Variants in LRBA observed in about 807,000 individuals in gnomAD.
LRBA encodes LPS responsive beige-like anchor protein.
LRBA carries 176 observed loss-of-function variants against 330.0 expected under a neutral mutation model. That is an observed-to-expected ratio of 0.53 (90% CI 0.47 to 0.60). LRBA has a LOEUF of 0.60. Ranked by LOEUF, LRBA falls within the 20% of genes least tolerant of loss-of-function variation. The pLI is 0.00. For synonymous variants in LRBA, 1,230 were observed against 1,193.0 expected (o/e 1.03, Z -0.64); for missense variants, 3,259 against 3,444.8 (o/e 0.95, Z 1.35).
At chr4:150,576,939 AT>A (rs1561376321) in intron 40 of LRBA, among the ~76,000 whole-genome samples, 1 of 151,566 alleles carries the variant, frequency 6.6e-6, no homozygotes, top group East Asian at 1.9e-4. Flanking sequence ...GTAAAAAAAA[AT>A]TTTTTTTATT....
intron 40 of LRBA, among the ~76,000 whole-genome samples, chr4:150,519,913 G>A (rs193254235): frequency 1.6e-4 from 24 of 152,212 alleles, no homozygotes; most frequent in Admixed American, 9.8e-4. Flanking sequence ...AGTGTCTCCT[G>A]GTGGTTTTTC....
intron 40 of LRBA, among the ~76,000 whole-genome samples, chr4:150,497,891 G>A (rs902646170): frequency 3.9e-5 from 6 of 152,134 alleles, no homozygotes; most frequent in African/African-American, 1.4e-4. Context: ...TTGGGGCTAG[G>A]TGACAATGAA....
intron 36 of LRBA, among the ~76,000 whole-genome samples, chr4:150,708,683 T>A (rs935896167): frequency 1.3e-5 from 2 of 151,806 alleles, no homozygotes; most frequent in African/African-American, 4.8e-5. Context: ...GAAAATTGAA[T>A]TTTTAAAAAA....
intron 52 of LRBA, among the ~76,000 whole-genome samples, chr4:150,306,527 T>A (rs1730380799): frequency 2.0e-5 from 3 of 152,174 alleles, no homozygotes; most frequent in Admixed American, 2.0e-4. Flanking sequence ...CGTTTGAGAT[T>A]TTTTTTATAC....
chr4:150,379,851 T>A (rs1741927464), intron 47 of LRBA, among the ~76,000 whole-genome samples: 1 of 151,896 alleles, frequency 6.6e-6, no homozygotes, highest in African/African-American at 2.4e-5. Flanking sequence ...ATGAACTCCA[T>A]ACATAGGAAA....
At chr4:150,576,902 A>G (rs1485980837) in intron 40 of LRBA, among the ~76,000 whole-genome samples, 1 of 151,954 alleles carries the variant, frequency 6.6e-6, no homozygotes, top group African/African-American at 2.4e-5. Flanking sequence ...AATGAGAACA[A>G]TACCCTTGGG....
At position 150,739,961 on chromosome 4, in the gene LRBA, T is replaced by G. The variant is rs949998546; in HGVS notation, c.5646-4595A>C. Among the ~76,000 whole-genome samples, 11 of 152,334 alleles carry G rather than the reference T, an allele frequency of 7.2e-5. No homozygotes were observed. The East Asian group carries it at 2.1e-3, about 29-fold the overall frequency. Reference sequence around the variant, plus strand: ...AGGAGAGGCCCAGCTAAGCCATGCCTAGGATTCCTGACCAAGAAAAATTGA... The same window carrying G: ...AGGAGAGGCCCAGCTAAGCCATGCCGAGGATTCCTGACCAAGAAAAATTGA... On this transcript the variant is annotated intron_variant, in intron 35 of 56. Transcript: ENST00000651943.
intron 47 of LRBA, among the ~76,000 whole-genome samples, chr4:150,382,719 C>T (rs1010159340): frequency 1.3e-5 from 2 of 151,770 alleles, no homozygotes; most frequent in Non-Finnish European, 2.9e-5. Context: ...CCAATAGTTT[C>T]TAAGGTAGTT....
At chr4:150,747,539 T>C (rs928773495) in intron 35 of LRBA, among the ~76,000 whole-genome samples, 1 of 152,198 alleles carries the variant, frequency 6.6e-6, no homozygotes, top group Admixed American at 6.6e-5. Flanking sequence ...CTGTAAGGAA[T>C]ACAAACATGC....
chr4:151,003,885 CTGTGTGTGTGTGTGTGTGTGTG>C (rs56025404), intron 2 of LRBA, among the ~76,000 whole-genome samples: 12 of 134,198 alleles, frequency 8.9e-5, no homozygotes, highest in South Asian at 5.5e-4. Context: ...TAGCCAACTG[CTGTGTGTGTGTGTGTGTGTGTG>C]TGTGTGTGTG....
chr4:150,615,644 G>T (rs1775701016), intron 37 of LRBA, among the ~76,000 whole-genome samples: 5 of 152,080 alleles, frequency 3.3e-5, no homozygotes, highest in African/African-American at 7.2e-5. Flanking sequence ...TTTTAATAAA[G>T]AAAGTCTAAA....
intron 40 of LRBA, among the ~76,000 whole-genome samples, chr4:150,542,671 A>G (rs913711066): frequency 6.6e-6 from 1 of 152,184 alleles, no homozygotes; most frequent in Non-Finnish European, 1.5e-5. Context: ...ATAAACACAA[A>G]GCAATGAAAA....
intron 36 of LRBA, among the ~76,000 whole-genome samples, chr4:150,698,017 ATC>A (rs1784793295): frequency 6.6e-6 from 1 of 152,174 alleles, no homozygotes; most frequent in Non-Finnish European, 1.5e-5. Flanking sequence ...AACTATTTTT[ATC>A]AACTCAAGTA....
At chr4:150,949,435 G>A (rs953796854) in intron 2 of LRBA, among the ~76,000 whole-genome samples, 34 of 151,958 alleles carry the variant, frequency 2.2e-4, no homozygotes, top group African/African-American at 7.5e-4. Context: ...AGGAAAGTGG[G>A]TATAGCTGTA....
chr4:150,367,578 C>T (rs1449009172), intron 47 of LRBA, among the ~76,000 whole-genome samples: 1 of 152,178 alleles, frequency 6.6e-6, no homozygotes, highest in East Asian at 1.9e-4. Flanking sequence ...GCGTAAGTAG[C>T]ACATGTAACT....
In LRBA at chr4:150,460,976, A is replaced by T. The variant is rs137976909; in HGVS notation, c.6780+6697T>A. Among the ~76,000 whole-genome samples, 1,028 of 151,934 alleles carry T rather than the reference A, an allele frequency of 6.8e-3. 47 individuals carry two copies. Among genetic ancestry groups the T allele is most frequent in the Admixed American group, 0.059 (900 of 15,204 alleles). On this transcript the variant is annotated intron_variant, in intron 44 of 56. Coordinates refer to ENST00000651943, the MANE Select transcript of LRBA (RefSeq NM_001364905.1). ...AGTCCATGGCATATTACAGTACTCAATTAACAACCAATAAATGAATGAACA... is the reference window on the plus strand; with the variant it reads ...AGTCCATGGCATATTACAGTACTCATTTAACAACCAATAAATGAATGAACA...
At chr4:151,015,042 G>A (rs1305585927) in intron 1 of LRBA, among the ~76,000 whole-genome samples, 160 bp downstream of exon 1, 2 of 152,088 alleles carry the variant, frequency 1.3e-5, no homozygotes, top group Admixed American at 6.6e-5. Flanking sequence ...AGAGGCCCCC[G>A]AACAGGCTCA....
intron 34 of LRBA, among the ~76,000 whole-genome samples, chr4:150,786,693 A>T (rs1404351808): frequency 9.9e-5 from 15 of 152,024 alleles, no homozygotes. Context: ...TATCAGCAGC[A>T]CTCTGACCAA....
At position 150,878,854 on chromosome 4, in the gene LRBA, G is replaced by A. The variant is rs932725359; in HGVS notation, c.2166-6099C>T. Among the ~76,000 whole-genome samples the A allele has an allele frequency of 4.0e-5, 6 of 150,728 alleles. No homozygotes were observed. The East Asian group carries it at 1.2e-3, about 29-fold the overall frequency. On this transcript the variant is annotated intron_variant, in intron 17 of 56. Coordinates refer to ENST00000651943, the MANE Select transcript of LRBA (RefSeq NM_001364905.1). Reference sequence around the variant, plus strand: ...TTAAATTTGGCAGTGAATTTTTCTGGTCCAGGAATTTTTTTTTTTTTTTTG... The same window carrying A: ...TTAAATTTGGCAGTGAATTTTTCTGATCCAGGAATTTTTTTTTTTTTTTTG...
Sources: allele counts gnomAD v4.1 joint callset (sites outside exome capture counted in the v4.1 genomes callset), GRCh38; gene constraint gnomAD v4.1.1; transcripts MANE v1.5; gene names NCBI Gene and HGNC (gene_info 2026-07-23, HGNC 2026-07-21).